TRHDE: variants seen among roughly 807,000 people sequenced by gnomAD.
TRHDE encodes thyrotropin releasing hormone degrading enzyme, also known as thyrotropin-releasing hormone-degrading ectoenzyme.
Under a neutral mutation model 125.7 loss-of-function variants are expected in TRHDE, and 72 were observed. The observed-to-expected ratio is 0.57, with a 90% CI of 0.47 to 0.70. The LOEUF (loss-of-function observed/expected upper bound fraction) is 0.70. Ranked by LOEUF, TRHDE falls within the 30% of genes least tolerant of loss-of-function variation. The pLI is 0.00. For synonymous variants in TRHDE, 509 were observed against 509.1 expected (o/e 1.00, Z 0.00); for missense variants, 1,110 against 1,327.1 (o/e 0.84, Z 2.54).
chr12:72,462,986 T>C (rs1265659128), intron 3 of TRHDE, among the ~76,000 whole-genome samples: 1 of 152,204 alleles, frequency 6.6e-6, no homozygotes, highest in Non-Finnish European at 1.5e-5. Flanking sequence ...GTACCTTATG[T>C]GTACAAGGAA....
intron 18 of TRHDE, among the ~76,000 whole-genome samples, chr12:72,660,382 C>T (rs994601471): frequency 6.6e-6 from 1 of 152,198 alleles, no homozygotes. Flanking sequence ...CCACAAGAAG[C>T]TGGTGGAGCA....
chr12:72,622,093 G>A (rs778489421), intron 15 of TRHDE, among the ~76,000 whole-genome samples: 5 of 151,922 alleles, frequency 3.3e-5, no homozygotes, highest in Non-Finnish European at 7.4e-5. Context: ...TCTTTATAAA[G>A]GTTGTGGTAT....
In TRHDE at chr12:72,480,659, A is replaced by G. The variant is rs1877126550; in HGVS notation, c.1584+7479A>G. 2.0e-5 allele frequency among the ~76,000 whole-genome samples: 3 copies of G among 152,152 alleles called. No homozygotes were observed. In the South Asian group the frequency reaches 6.2e-4, roughly 31 times the overall value. On this transcript the variant is annotated intron_variant, in intron 5 of 18. Coordinates refer to ENST00000261180, the MANE Select transcript of TRHDE (RefSeq NM_013381.3). The stretch of plus-strand genomic sequence containing the variant: ...ATTAGATGCTTTCTAAGAAGAAAAC[A>G]CTTACTAAACCTGGAGTCTAACAAT...
At chr12:72,439,006 T>C (rs1467546314) in intron 3 of TRHDE, among the ~76,000 whole-genome samples, 1 of 152,006 alleles carries the variant, frequency 6.6e-6, no homozygotes, top group African/African-American at 2.4e-5. Flanking sequence ...AATTTTATTT[T>C]TTCACATGTG....
At chr12:72,183,102 C>A (rs1487669633) in intron 2 of TRHDE, among the ~76,000 whole-genome samples, 1 of 152,146 alleles carries the variant, frequency 6.6e-6, no homozygotes, top group Non-Finnish European at 1.5e-5. Flanking sequence ...GAGAGTCCCC[C>A]AACTCTTTAT....
intron 2 of TRHDE, among the ~76,000 whole-genome samples, chr12:72,170,293 TG>T (rs1422357759): frequency 1.3e-5 from 2 of 152,192 alleles, no homozygotes; most frequent in Non-Finnish European, 2.9e-5. Context: ...TACATGGTTC[TG>T]GAAACTGGTT....
At chr12:72,334,381 G>A (rs1869738407) in intron 2 of TRHDE, among the ~76,000 whole-genome samples, 1 of 152,218 alleles carries the variant, frequency 6.6e-6, no homozygotes, top group Non-Finnish European at 1.5e-5. Context: ...AGTTTGTTGT[G>A]AGTGCGCATT....
chr12:72,293,240 G>A (rs903710371), intron 2 of TRHDE, among the ~76,000 whole-genome samples: 1 of 151,616 alleles, frequency 6.6e-6, no homozygotes, highest in African/African-American at 2.4e-5. Context: ...TGTAGATTCT[G>A]GATATTAGTT....
At chr12:72,171,233 G>A (rs1876866741) in intron 2 of TRHDE, among the ~76,000 whole-genome samples, 4 of 151,192 alleles carry the variant, frequency 2.6e-5, no homozygotes, top group Non-Finnish European at 1.5e-5. Flanking sequence ...AGAAAAAGAG[G>A]CCTTATCTAA....
At chr12:72,259,860 AAG>A (rs1409970075) in intron 2 of TRHDE, among the ~76,000 whole-genome samples, 1 of 152,162 alleles carries the variant, frequency 6.6e-6, no homozygotes, top group Non-Finnish European at 1.5e-5. Context: ...AATGGAAAGA[AAG>A]AGAGGCAAGC....
chr12:72,343,496 G>T (rs1364866172), intron 2 of TRHDE, among the ~76,000 whole-genome samples: 2 of 152,162 alleles, frequency 1.3e-5, no homozygotes, highest in East Asian at 3.9e-4. Flanking sequence ...ATTAAGATTT[G>T]CATGATTCTT....
chr12:72,192,738 C>T (rs111933780), intron 2 of TRHDE, among the ~76,000 whole-genome samples: 21 of 152,044 alleles, frequency 1.4e-4, no homozygotes, highest in African/African-American at 4.3e-4. Context: ...GTTGCTGTTA[C>T]GTTAAAAGGG....
In TRHDE at chr12:72,281,684, T is replaced by A. The variant is rs116805758; in HGVS notation, c.915-4997T>A. ...ATCAATCTGAATACTAACAGTGTTATGCAAATGTTTGTTTCCTCTGCATGT... is the reference window on the plus strand; with the variant it reads ...ATCAATCTGAATACTAACAGTGTTAAGCAAATGTTTGTTTCCTCTGCATGT... On this transcript the variant is annotated intron_variant, in intron 1 of 18. Transcript: ENST00000261180. Among the ~76,000 whole-genome samples the A allele has an allele frequency of 4.4e-3, 674 of 152,344 alleles. 6 individuals are homozygous for A. Among genetic ancestry groups the A allele is most frequent in the African/African-American group, 0.016 (645 of 41,582 alleles).
chr12:72,154,461 C>T (rs1592461610), intron 2 of TRHDE, among the ~76,000 whole-genome samples: 3 of 152,108 alleles, frequency 2.0e-5, no homozygotes, highest in Admixed American at 6.5e-5. Flanking sequence ...CTATTTTGCT[C>T]GTTAGTTGAT....
chr12:72,421,026 T>TG (rs1306715147), intron 3 of TRHDE, among the ~76,000 whole-genome samples: 1 of 151,848 alleles, frequency 6.6e-6, no homozygotes, highest in East Asian at 1.9e-4. Flanking sequence ...TGGAGTGCAG[T>TG]GGCGCGATCT....
chr12:72,092,694 A>G (rs1301544363), intron 1 of TRHDE, among the ~76,000 whole-genome samples: 1 of 152,130 alleles, frequency 6.6e-6, no homozygotes, highest in Non-Finnish European at 1.5e-5. Flanking sequence ...GGTGTAGTCT[A>G]GGGGCATGTG....
intron 2 of TRHDE, among the ~76,000 whole-genome samples, chr12:72,353,938 G>A (rs892616041): frequency 6.6e-6 from 1 of 151,494 alleles, no homozygotes; most frequent in African/African-American, 2.4e-5. Context: ...TGGGCATGTG[G>A]CAGAGAGAAA....
chr12:72,375,561 G>T (rs968147620), intron 2 of TRHDE, among the ~76,000 whole-genome samples: 4 of 152,108 alleles, frequency 2.6e-5, no homozygotes, highest in Non-Finnish European at 5.9e-5. Flanking sequence ...AGTGACATTT[G>T]CTGTATCATT....
intron 12 of TRHDE, among the ~76,000 whole-genome samples, chr12:72,588,288 C>T (rs892040933): frequency 2.0e-5 from 3 of 152,126 alleles, no homozygotes; most frequent in Non-Finnish European, 4.4e-5. Context: ...GGGAAGCCCT[C>T]ATTTTCCAGT....
Sources: allele counts gnomAD v4.1 joint callset (sites outside exome capture counted in the v4.1 genomes callset), GRCh38; gene constraint gnomAD v4.1.1; transcripts MANE v1.5; gene names NCBI Gene and HGNC (gene_info 2026-07-23, HGNC 2026-07-21).